Variants in LEPR observed in about 807,000 individuals in gnomAD.
LEPR encodes OB receptor.
LEPR carries 56 observed loss-of-function variants against 114.7 expected under a neutral mutation model. The ratio of observed to expected loss-of-function variants is 0.49; its 90% CI spans 0.39 to 0.61. LEPR has a LOEUF of 0.61. Ranked by LOEUF, LEPR falls within the 20% of genes least tolerant of loss-of-function variation. The pLI, the probability that LEPR is intolerant of heterozygous loss-of-function variation, is 0.00. For missense variants in LEPR, 1,202 were observed against 1,352.9 expected, an observed-to-expected ratio of 0.89 and a Z score of 1.75; for synonymous variants, 443 against 461.4, an observed-to-expected ratio of 0.96 and a Z score of 0.51.
chr1:65,435,970 G>A (rs1403955167), intron 2 of LEPR: 2 of 984,910 alleles, frequency 2.0e-6, no homozygotes, highest in Non-Finnish European at 1.2e-6. Flanking sequence ...GTGAGAGGAC[G>A]ATTACTTTGT....
chr1:65,453,104 T>A (rs1646811559), intron 2 of LEPR, among the ~76,000 whole-genome samples: 1 of 152,220 alleles, frequency 6.6e-6, no homozygotes, highest in Admixed American at 6.5e-5. Context: ...TAGTTTGTAT[T>A]TCTGTGGGAT....
intron 1 of LEPR, among the ~76,000 whole-genome samples, chr1:65,424,182 C>T (rs980753411): frequency 6.6e-6 from 1 of 152,168 alleles, no homozygotes; most frequent in African/African-American, 2.4e-5. Flanking sequence ...CGTTCCTACT[C>T]CCGCAGAGAC....
At chr1:65,510,368 A>C (rs1327116) in intron 2 of LEPR, among the ~76,000 whole-genome samples, 101,605 of 152,040 alleles carry the variant, frequency 0.67, 34,979 homozygotes, top group Middle Eastern at 0.86. Context: ...ATCCTTAGGT[A>C]ACTCACAGAA....
chr1:65,626,225 G>A, intron 19 of LEPR: 1 of 1,554,292 alleles, frequency 6.4e-7, no homozygotes, highest in Non-Finnish European at 8.7e-7. Context: ...TCCCTGAGGT[G>A]TGCACAATGC....
intron 2 of LEPR, 146 bp from the exon 3 acceptor site, chr1:65,565,400 A>G (rs988013765): frequency 1.1e-5 from 8 of 745,740 alleles, no homozygotes; most frequent in African/African-American, 1.8e-5. Context: ...TTTACGTGAG[A>G]TATTTCTCAG....
At chr1:65,473,176 G>T (rs1647110686) in intron 2 of LEPR, among the ~76,000 whole-genome samples, 1 of 152,184 alleles carries the variant, frequency 6.6e-6, no homozygotes, top group African/African-American at 2.4e-5. Context: ...TGTAACACTT[G>T]CAACATTAGT....
chr1:65,439,442 T>G (rs540825254), intron 2 of LEPR, among the ~76,000 whole-genome samples: 3 of 152,196 alleles, frequency 2.0e-5, no homozygotes, highest in Non-Finnish European at 4.4e-5. Flanking sequence ...GCTGAGGAGA[T>G]ACAGGACAAA....
rs115088993 is a variant in LEPR at position 65,591,417 on chromosome 1, T to C, written c.495-1240T>C. ...ATGGAGAAGAATGTTACATCAATGATGAAATGAAATTAATCAATAATTGTG... is the reference window on the plus strand; with the variant it reads ...ATGGAGAAGAATGTTACATCAATGACGAAATGAAATTAATCAATAATTGTG... On this transcript the variant is annotated intron_variant, in intron 5 of 19. Transcript: ENST00000349533. Among the ~76,000 whole-genome samples, 616 of 152,230 alleles carry C rather than the reference T, an allele frequency of 4.0e-3. 8 individuals carry two copies. The highest frequency in any genetic ancestry group is 0.014 in the African/African-American group (578 of 41,572).
intron 2 of LEPR, among the ~76,000 whole-genome samples, chr1:65,479,711 A>G (rs535710189): frequency 6.6e-5 from 10 of 152,284 alleles, no homozygotes; most frequent in Admixed American, 4.6e-4. Context: ...ATCAAACTCA[A>G]CTGTCATCTT....
intron 2 of LEPR, among the ~76,000 whole-genome samples, chr1:65,507,206 A>C (rs1648775171): frequency 6.6e-6 from 1 of 151,762 alleles, no homozygotes; most frequent in Non-Finnish European, 1.5e-5. Context: ...ACCCGCCACC[A>C]CGCCTGGTTA....
chr1:65,531,404 TTCCTTTCCTTTCCTTTCC>T (rs1383102299), intron 2 of LEPR, among the ~76,000 whole-genome samples: 2 of 151,852 alleles, frequency 1.3e-5, no homozygotes, highest in Non-Finnish European at 2.9e-5. Flanking sequence ...TCTTTTTCCT[TTCCTTTCCTTTCCTTTCC>T]TCCTTTCCTT....
At chr1:65,582,831 C>T (rs1414029225) in intron 5 of LEPR, among the ~76,000 whole-genome samples, 1 of 152,090 alleles carries the variant, frequency 6.6e-6, no homozygotes, top group Non-Finnish European at 1.5e-5. Context: ...ATAATAACTC[C>T]CATTTAAAAA....
intron 2 of LEPR, among the ~76,000 whole-genome samples, chr1:65,529,258 C>T (rs953978158): frequency 2.0e-5 from 3 of 151,972 alleles, no homozygotes; most frequent in Admixed American, 6.6e-5. Context: ...TGGTGCCTCA[C>T]GCCTGTAATC....
At chr1:65,465,157 C>A (rs1198409634) in intron 2 of LEPR, among the ~76,000 whole-genome samples, 1 of 152,130 alleles carries the variant, frequency 6.6e-6, no homozygotes, top group African/African-American at 2.4e-5. Context: ...CTCTTGTGGG[C>A]AGTTAGTGCT....
intron 2 of LEPR, among the ~76,000 whole-genome samples, chr1:65,450,488 C>T (rs1192941566): frequency 7.0e-6 from 1 of 142,792 alleles, no homozygotes; most frequent in South Asian, 2.4e-4. Flanking sequence ...CATGTGTTCT[C>T]ATTGTTCAAT....
At chr1:65,452,074 C>T (rs1557598640) in intron 2 of LEPR, among the ~76,000 whole-genome samples, 3 of 151,832 alleles carry the variant, frequency 2.0e-5, no homozygotes, top group Non-Finnish European at 4.4e-5. Flanking sequence ...ATTTGGCTGT[C>T]TGTTTGTCTG....
Position 65,616,178 on chromosome 1 carries a change from T to G in LEPR, c.2166T>G (p.Ala722=), listed in dbSNP as rs1396676831. Residue 722 remains alanine, a synonymous_variant, in exon 15 of 20, where the codon GCT becomes GCG. Coordinates refer to ENST00000349533, the MANE Select transcript of LEPR (RefSeq NM_002303.6). ...VTVLAINSIG[A]SVANFNLTFS... is the part of the protein sequence containing the mutation. ...TTCTGGCCATCAATTCAATTGGTGC[T>G]TCTGTTGCAAATTTTAATTTAACCT... 1 of 1,614,120 alleles carries G rather than the reference T, an allele frequency of 6.2e-7. No homozygotes were observed. The highest frequency in any genetic ancestry group is 2.2e-5 in the East Asian group (1 of 44,876).
At chr1:65,624,352 T>C (rs1427991201) in intron 19 of LEPR, among the ~76,000 whole-genome samples, 2 of 148,328 alleles carry the variant, frequency 1.3e-5, no homozygotes, top group African/African-American at 2.6e-5. Flanking sequence ...ATTCTCTCTA[T>C]TTTGCAAAAG....
intron 2 of LEPR, among the ~76,000 whole-genome samples, chr1:65,531,063 A>G (rs1650359361): frequency 6.6e-6 from 1 of 152,174 alleles, no homozygotes; most frequent in South Asian, 2.1e-4. Flanking sequence ...TGGTTCACAC[A>G]GAGTAAAAAC....
Sources: gnomAD v4.1 joint callset for allele counts (sites outside exome capture counted in the v4.1 genomes callset) on GRCh38, gnomAD v4.1.1 for gene constraint, MANE v1.5 for transcripts, NCBI Gene and HGNC (gene_info 2026-07-23, HGNC 2026-07-21) for gene names.